Variants in CPLX2 observed in about 807,000 individuals in gnomAD.
CPLX2 encodes complexin-2.
A neutral mutation model predicts 16.3 loss-of-function variants in CPLX2; 5 were observed. The observed-to-expected ratio is 0.31, with a 90% CI of 0.16 to 0.64. The LOEUF (loss-of-function observed/expected upper bound fraction) is 0.64. CPLX2 is among the 30% of genes least tolerant of loss of function. The pLI, the probability that CPLX2 is intolerant of heterozygous loss-of-function variation, is 0.79. For missense variants in CPLX2, 144 were observed against 181.4 expected, an observed-to-expected ratio of 0.79 and a Z score of 1.18; for synonymous variants, 89 against 73.2, an observed-to-expected ratio of 1.22 and a Z score of -1.10.
chr5:175,824,304 G>A (rs550338263), intron 2 of CPLX2, among the ~76,000 whole-genome samples: 8 of 152,332 alleles, frequency 5.3e-5, no homozygotes, highest in South Asian at 2.1e-4. Flanking sequence ...GGTAAGCCAC[G>A]AGGTGAGGTG....
intron 2 of CPLX2, among the ~76,000 whole-genome samples, chr5:175,847,873 G>A (rs528454212): frequency 1.9e-4 from 29 of 152,322 alleles, no homozygotes; most frequent in African/African-American, 4.8e-4. Flanking sequence ...CAGTCCCCCC[G>A]TGAGGTTCAA....
chr5:175,801,015 A>T (rs1179161588), intron 1 of CPLX2, among the ~76,000 whole-genome samples: 2 of 151,950 alleles, frequency 1.3e-5, no homozygotes, highest in Admixed American at 6.6e-5. Flanking sequence ...TGGGAGGTGG[A>T]GTGAGTGAGG....
At chr5:175,803,221 C>T (rs370691175) in intron 1 of CPLX2, among the ~76,000 whole-genome samples, 1 of 152,160 alleles carries the variant, frequency 6.6e-6, no homozygotes, top group South Asian at 2.1e-4. Context: ...CAAGGAATGG[C>T]TCATTGATTC....
intron 2 of CPLX2, among the ~76,000 whole-genome samples, chr5:175,863,005 C>T (rs1211261857): frequency 6.6e-6 from 1 of 152,244 alleles, no homozygotes; most frequent in African/African-American, 2.4e-5. Context: ...GATTCTCCTA[C>T]AGGTCTGGAA....
chr5:175,874,588 A>G (rs1185372084), intron 1 of CPLX2, among the ~76,000 whole-genome samples: 1 of 152,196 alleles, frequency 6.6e-6, no homozygotes, highest in African/African-American at 2.4e-5. Flanking sequence ...GGTGATTGGG[A>G]CAAGGCATAC....
At chr5:175,832,449 G>T (rs1383775237) in intron 2 of CPLX2, among the ~76,000 whole-genome samples, 1 of 152,354 alleles carries the variant, frequency 6.6e-6, no homozygotes, top group East Asian at 1.9e-4. Context: ...TTTCTGCCAG[G>T]CTGGGCTGCC....
chr5:175,834,075 G>A (rs949793264), intron 2 of CPLX2, among the ~76,000 whole-genome samples: 4 of 152,188 alleles, frequency 2.6e-5, no homozygotes, highest in African/African-American at 9.7e-5. Flanking sequence ...ATCTTGGCAT[G>A]TAACTGAGAT....
rs552337118 is a variant in CPLX2 at position 175,812,271 on chromosome 5, C to G, written c.-89+3203C>G. Among the ~76,000 whole-genome samples the G allele has an allele frequency of 3.9e-5, 6 of 152,358 alleles. No homozygotes were observed. In the South Asian group the frequency reaches 8.3e-4, roughly 21 times the overall value. Reference sequence around the variant, plus strand: ...GCCCCATCCCAGGCCCTGCCCACCACAGAATGCAGCCAGCACCTGAGGGAG... The same window carrying G: ...GCCCCATCCCAGGCCCTGCCCACCAGAGAATGCAGCCAGCACCTGAGGGAG... On this transcript the variant is annotated intron_variant, in intron 2 of 4. Transcript: ENST00000359546.
Position 175,878,551 on chromosome 5 carries a change from G to GT in CPLX2, c.-88-100dup, listed in dbSNP as rs145871719. ...TTGGGTCTTGACCTCAGAGCGATGG[G>GT]TGCCTGGTGTCTGAACCAGGGTGAG... is the stretch of plus-strand genomic sequence containing the variant. On this transcript the variant is annotated intron_variant, in intron 1 of 3. Coordinates refer to ENST00000393745, the MANE Select transcript of CPLX2 (RefSeq NM_001008220.2). The GT allele has an allele frequency of 1.2e-5, 8 of 643,348 alleles. No homozygotes were observed. In the African/African-American group the frequency reaches 1.5e-4, roughly 12 times the overall value. The allele number at this position is 643,348 out of a possible 1,614,324, so 39.9% of individuals were successfully genotyped here.
intron 2 of CPLX2, among the ~76,000 whole-genome samples, chr5:175,842,503 G>A (rs1352002179): frequency 2.6e-5 from 4 of 152,206 alleles, no homozygotes; most frequent in South Asian, 2.1e-4. Context: ...AAACGGCCCC[G>A]CTTCCTGATT....
intron 2 of CPLX2, among the ~76,000 whole-genome samples, chr5:175,844,942 G>A (rs558253680): frequency 6.6e-6 from 1 of 152,308 alleles, no homozygotes; most frequent in South Asian, 2.1e-4. Context: ...CTCTAGGGTG[G>A]ATGGAAGACA....
At chr5:175,866,656 G>A (rs1759484281), upstream of CPLX2, among the ~76,000 whole-genome samples, 5 of 152,208 alleles carry the variant, frequency 3.3e-5, no homozygotes, top group Non-Finnish European at 7.3e-5. Flanking sequence ...CTGGGAGAGA[G>A]GCTCTGAGTT....
chr5:175,840,856 CT>C (rs1319278971), intron 2 of CPLX2, among the ~76,000 whole-genome samples: 1 of 152,154 alleles, frequency 6.6e-6, no homozygotes, highest in Non-Finnish European at 1.5e-5. Context: ...TGTGACAAGA[CT>C]TTTTTTTATA....
intron 1 of CPLX2, chr5:175,878,175 C>G (rs923758962): frequency 1.3e-5 from 2 of 152,688 alleles, no homozygotes; most frequent in Admixed American, 6.5e-5. Context: ...TTTTGATGGG[C>G]TGATCCAGTG....
intron 2 of CPLX2, among the ~76,000 whole-genome samples, chr5:175,851,161 C>T (rs1471921677): frequency 6.6e-6 from 1 of 152,034 alleles, no homozygotes; most frequent in Non-Finnish European, 1.5e-5. Flanking sequence ...AGAGACAAAG[C>T]CCACTTTCTT....
At chr5:175,839,056 T>C (rs895999920) in intron 2 of CPLX2, among the ~76,000 whole-genome samples, 3 of 152,126 alleles carry the variant, frequency 2.0e-5, no homozygotes, top group Non-Finnish European at 4.4e-5. Flanking sequence ...GGGCACTCCA[T>C]AAGCATTTTT....
chr5:175,836,942 T>C (rs1314761238), intron 2 of CPLX2, among the ~76,000 whole-genome samples: 1 of 152,184 alleles, frequency 6.6e-6, no homozygotes, highest in Non-Finnish European at 1.5e-5. Context: ...CGAAGCTGTG[T>C]TCAGTTCAGA....
At position 175,884,004 on chromosome 5, in the gene CPLX2, A is replaced by G. The variant is rs541047670; in HGVS notation, c.*3959A>G. 1.3e-5 allele frequency: 2 copies of G among 152,694 alleles called. No homozygotes were observed. The highest frequency in any genetic ancestry group is 1.9e-4 in the East Asian group (1 of 5,166). 9.5% of individuals were successfully genotyped at this position (152,694 alleles called of 1,614,324 possible). A position where few individuals can be genotyped will look rare whatever the true frequency, so the allele number is the denominator to read the frequency against. ...ACAAAATCAACCATGACAACAAAGA[A>G]AAAGACCTTGTACAGCAGCTCTCTG... On this transcript the variant is annotated 3_prime_UTR_variant, in exon 4 of 4. Coordinates refer to ENST00000393745, the MANE Select transcript of CPLX2 (RefSeq NM_001008220.2).
At position 175,878,842 on chromosome 5, in the gene CPLX2, G is replaced by T. The variant is rs1755480754; in HGVS notation, c.32-66G>T. The T allele has an allele frequency of 3.1e-6, 5 of 1,607,624 alleles. No homozygotes were observed. The Admixed American group carries it at 6.7e-5, about 22-fold the overall frequency. On this transcript the variant is annotated intron_variant, in intron 2 of 3. Coordinates refer to ENST00000393745, the MANE Select transcript of CPLX2 (RefSeq NM_001008220.2). ...GTGGGAGGTGGCCTCGGCCCACCCG[G>T]CCCCTCTCTCCCCAGCCCTGACCCC...
Sources: gnomAD v4.1 joint callset for allele counts (sites outside exome capture counted in the v4.1 genomes callset) on GRCh38, gnomAD v4.1.1 for gene constraint, MANE v1.5 for transcripts, NCBI Gene and HGNC (gene_info 2026-07-23, HGNC 2026-07-21) for gene names.